The following PCDH15 variants were observed in gnomAD, a reference collection of about 807,000 sequenced individuals.
PCDH15 encodes protocadherin-15.
PCDH15 carries 129 observed loss-of-function variants against 178.5 expected under a neutral mutation model. The observed-to-expected ratio is 0.72, with a 90% CI of 0.63 to 0.84. The LOEUF is 0.84. Among genes scored for constraint, PCDH15 ranks in the 40% least tolerant of loss-of-function variants. The pLI is 0.00. For missense variants in PCDH15, 2,230 were observed against 2,099.9 expected, an observed-to-expected ratio of 1.06 and a Z score of -1.21; for synonymous variants, 800 against 732.0, an observed-to-expected ratio of 1.09 and a Z score of -1.50.
At chr10:54,574,250 C>T (rs1167843520) in intron 2 of PCDH15, among the ~76,000 whole-genome samples, 1 of 151,028 alleles carries the variant, frequency 6.6e-6, no homozygotes, top group Non-Finnish European at 1.5e-5. Flanking sequence ...ATATGGCTAG[C>T]CAGTTTTCCC....
intron 1 of PCDH15, among the ~76,000 whole-genome samples, chr10:55,272,896 C>A (rs1483131945): frequency 1.3e-5 from 2 of 152,040 alleles, no homozygotes; most frequent in African/African-American, 4.8e-5. Context: ...CTTGTTTCAA[C>A]TCCCAAAATA....
chr10:53,831,190 CAGAT>C (rs2132632697), intron 30 of PCDH15, 121 bp downstream of exon 30: 3 of 912,046 alleles, frequency 3.3e-6, no homozygotes, highest in Middle Eastern at 2.1e-4. Context: ...GATAGACAGA[CAGAT>C]AAAGCAATCT....
At chr10:53,808,937 G>A (rs781357164) in intron 37 of PCDH15, 5 of 1,562,642 alleles carry the variant, frequency 3.2e-6, no homozygotes, top group South Asian at 2.4e-5. Context: ...TCTTCCACAG[G>A]GGCTGGTCCA....
chr10:55,081,647 C>G lies in PCDH15; in HGVS notation c.-80+84929G>C, dbSNP rs187821069. On this transcript the variant is annotated intron_variant, in intron 2 of 5. Transcript: ENST00000458638. Reference sequence around the variant, plus strand: ...CTGAGAGAGCTCCCTTGCCCTTTCGCTATGTGAGTTTACAAAGAGAAGATG... The same window carrying G: ...CTGAGAGAGCTCCCTTGCCCTTTCGGTATGTGAGTTTACAAAGAGAAGATG... Among the ~76,000 whole-genome samples the G allele has an allele frequency of 3.2e-3, 489 of 152,238 alleles. 2 individuals carry two copies. Among genetic ancestry groups the G allele is most frequent in the South Asian group, 0.025 (123 of 4,832 alleles).
intron 6 of PCDH15, among the ~76,000 whole-genome samples, chr10:54,335,220 A>G (rs1254086544): frequency 6.6e-6 from 1 of 152,212 alleles, no homozygotes; most frequent in East Asian, 1.9e-4. Context: ...AGAAAGTCCC[A>G]ACACTCTAAT....
chr10:54,738,786 G>C (rs148208417), intron 1 of PCDH15, among the ~76,000 whole-genome samples: 2 of 152,028 alleles, frequency 1.3e-5, no homozygotes, highest in African/African-American at 4.8e-5. Context: ...CATAACATAT[G>C]ATCATTTCAA....
chr10:53,810,357 A>ATAAATTAAATGATCAAGAATTAATTTT (rs2075820147), intron 37 of PCDH15, among the ~76,000 whole-genome samples, 199 bp downstream of exon 37: 1 of 152,196 alleles, frequency 6.6e-6, no homozygotes, highest in East Asian at 1.9e-4. Context: ...TTAGAAGGAA[A>ATAAATTAAATGATCAAGAATTAATTTT]TAAATTAAAT....
chr10:54,463,663 C>T (rs2077337074), intron 3 of PCDH15, among the ~76,000 whole-genome samples: 1 of 152,030 alleles, frequency 6.6e-6, no homozygotes, highest in African/African-American at 2.4e-5. Flanking sequence ...TTTTCACCAT[C>T]CTGGAAGACC....
At chr10:55,572,265 T>A (rs1842419781) in intron 2 of PCDH15, among the ~76,000 whole-genome samples, 1 of 151,606 alleles carries the variant, frequency 6.6e-6, no homozygotes, top group Admixed American at 6.6e-5. Flanking sequence ...CTTATGATAT[T>A]TAATATAAAA....
intron 19 of PCDH15, among the ~76,000 whole-genome samples, chr10:54,022,076 T>G (rs1438855896): frequency 6.6e-6 from 1 of 151,944 alleles, no homozygotes; most frequent in Non-Finnish European, 1.5e-5. Context: ...AAAAGTATGC[T>G]AAAAACATTC....
chr10:54,077,606 C>T lies in PCDH15; in HGVS notation c.2091+1725G>A, dbSNP rs1384819702. On this transcript the variant is annotated intron_variant, in intron 17 of 37. Coordinates refer to ENST00000644397, the MANE Select transcript of PCDH15 (RefSeq NM_001384140.1). ...CTTCACTGTAATTATACCTCTTAATCTATGCTAAATAATTTCTCCTTCTCC... is the reference window on the plus strand; with the variant it reads ...CTTCACTGTAATTATACCTCTTAATTTATGCTAAATAATTTCTCCTTCTCC... Among the ~76,000 whole-genome samples the T allele has an allele frequency of 3.9e-5, 6 of 152,276 alleles. No individual in the cohort carries two copies. The South Asian group carries it at 1.2e-3, about 32-fold the overall frequency.
chr10:54,919,572 T>C (rs551230978), intron 2 of PCDH15, among the ~76,000 whole-genome samples: 19 of 152,298 alleles, frequency 1.2e-4, no homozygotes, highest in African/African-American at 4.3e-4. Context: ...TTCGGATACA[T>C]TACCCTTACT....
chr10:54,937,495 T>A (rs1420159562), intron 2 of PCDH15, among the ~76,000 whole-genome samples: 2 of 151,994 alleles, frequency 1.3e-5, no homozygotes, highest in Non-Finnish European at 2.9e-5. Context: ...TTTTTTAAAA[T>A]AATGTTCTCT....
chr10:55,187,207 A>C (rs1380963374), intron 1 of PCDH15, among the ~76,000 whole-genome samples: 1 of 151,960 alleles, frequency 6.6e-6, no homozygotes, highest in African/African-American at 2.4e-5. Context: ...GAGCTTTAAA[A>C]ATCCTTTTGA....
intron 3 of PCDH15, among the ~76,000 whole-genome samples, chr10:54,808,391 G>A (rs1310628005): frequency 6.6e-6 from 1 of 152,202 alleles, no homozygotes; most frequent in Non-Finnish European, 1.5e-5. Context: ...GGAATACAGA[G>A]TCTGAGTTAC....
intron 21 of PCDH15, among the ~76,000 whole-genome samples, chr10:53,969,806 G>T (rs1230845984): frequency 6.6e-6 from 1 of 152,110 alleles, no homozygotes; most frequent in Non-Finnish European, 1.5e-5. Flanking sequence ...ACAAACAAAT[G>T]CTGAGATATT....
At chr10:54,028,855 G>T (rs1408772511) in intron 18 of PCDH15, among the ~76,000 whole-genome samples, 2 of 149,972 alleles carry the variant, frequency 1.3e-5, no homozygotes, top group Non-Finnish European at 3.0e-5. Context: ...GAGTTAGTGG[G>T]TGCAGCGCAC....
chr10:54,153,974 C>A (rs1255358383), intron 13 of PCDH15, among the ~76,000 whole-genome samples: 1 of 152,116 alleles, frequency 6.6e-6, no homozygotes, highest in Non-Finnish European at 1.5e-5. Context: ...GAAAGAAAAT[C>A]TATTCGGAGC....
intron 2 of PCDH15, among the ~76,000 whole-genome samples, chr10:55,166,341 C>T (rs902743374): frequency 6.6e-6 from 1 of 152,134 alleles, no homozygotes; most frequent in Non-Finnish European, 1.5e-5. Flanking sequence ...AGAGAAACAA[C>T]AGGTATTTCA....
Sources: allele counts gnomAD v4.1 joint callset (sites outside exome capture counted in the v4.1 genomes callset), GRCh38; gene constraint gnomAD v4.1.1; transcripts MANE v1.5; gene names NCBI Gene and HGNC (gene_info 2026-07-23, HGNC 2026-07-21).